FAR1: variants seen among roughly 807,000 people sequenced by gnomAD.
FAR1 encodes male sterility domain-containing protein 2.
Under a neutral mutation model 61.1 loss-of-function variants are expected in FAR1, and 22 were observed. That is an observed-to-expected ratio of 0.36 (90% CI 0.26 to 0.51). The LOEUF (loss-of-function observed/expected upper bound fraction) is 0.51, where lower values mean the gene tolerates loss of function less well. Ranked by LOEUF, FAR1 falls within the 20% of genes least tolerant of loss-of-function variation. The pLI, the probability that FAR1 is intolerant of heterozygous loss-of-function variation, is 0.95. For missense variants in FAR1, 359 were observed against 626.9 expected, an observed-to-expected ratio of 0.57 and a Z score of 4.56; for synonymous variants, 206 against 209.7, an observed-to-expected ratio of 0.98 and a Z score of 0.15.
intron 1 of FAR1, among the ~76,000 whole-genome samples, chr11:13,683,005 G>A (rs911074403): frequency 3.3e-5 from 5 of 152,034 alleles, no homozygotes; most frequent in Admixed American, 2.0e-4. Flanking sequence ...ATTATTTAAC[G>A]TAACTTTCTA....
At chr11:13,698,814 G>C (rs1390902735) in intron 2 of FAR1, among the ~76,000 whole-genome samples, 4 of 150,444 alleles carry the variant, frequency 2.7e-5, no homozygotes, top group Admixed American at 1.3e-4. Flanking sequence ...CTGGGCAACA[G>C]AGCAAGACTC....
At chr11:13,697,979 CTTA>C (rs1313397912) in intron 2 of FAR1, among the ~76,000 whole-genome samples, 1 of 151,988 alleles carries the variant, frequency 6.6e-6, no homozygotes, top group Non-Finnish European at 1.5e-5. Context: ...ATCTTGTGTC[CTTA>C]TTATTGCTGT....
Position 13,701,461 on chromosome 11 carries a change from G to T in FAR1, c.365+969G>T, listed in dbSNP as rs114017220. On this transcript the variant is annotated intron_variant, in intron 3 of 11. Coordinates refer to ENST00000354817, the MANE Select transcript of FAR1 (RefSeq NM_032228.6). ...TTAAAAGTTTAAAAAATTGAGTTCT[G>T]AGGCTGAGGTGGGAGGATCACTTGA... Among the ~76,000 whole-genome samples, 456 of 152,036 alleles carry T rather than the reference G, an allele frequency of 3.0e-3. 4 individuals carry two copies. The highest frequency in any genetic ancestry group is 9.6e-3 in the African/African-American group (400 of 41,498).
At chr11:13,703,905 A>C (rs193233496) in intron 3 of FAR1, among the ~76,000 whole-genome samples, 32 of 152,050 alleles carry the variant, frequency 2.1e-4, no homozygotes, top group Non-Finnish European at 3.1e-4. Flanking sequence ...TGAGCCGGGC[A>C]TGGTGGCACA....
In FAR1 at chr11:13,731,665, A is replaced by G. The variant is rs1344672229; in HGVS notation, c.*2891A>G. On this transcript the variant is annotated 3_prime_UTR_variant, in exon 12 of 12. Coordinates refer to ENST00000354817, the MANE Select transcript of FAR1 (RefSeq NM_032228.6). The stretch of plus-strand genomic sequence containing the variant: ...AGTTCCTTACACAGCATTTTAGGGA[A>G]AGAATACAGGCAGGATGACACTTTG... 2.6e-5 allele frequency: 4 copies of G among 152,154 alleles called. No individual in the cohort carries two copies. Among genetic ancestry groups the G allele is most frequent in the Non-Finnish European group, 5.9e-5 (4 of 68,024 alleles). 9.4% of individuals were successfully genotyped at this position (152,154 alleles called of 1,614,324 possible). A position where few individuals can be genotyped will look rare whatever the true frequency, so the allele number is the denominator to read the frequency against.
intron 5 of FAR1, 87 bp from the exon 6 acceptor site, chr11:13,711,677 A>G (rs1343647208): frequency 8.3e-6 from 8 of 964,980 alleles, no homozygotes; most frequent in Admixed American, 2.2e-5. Flanking sequence ...TACCAAGTAT[A>G]TATTTGGGGT....
At chr11:13,689,477 T>C (rs1848224382) in intron 1 of FAR1, among the ~76,000 whole-genome samples, 1 of 152,226 alleles carries the variant, frequency 6.6e-6, no homozygotes, top group Non-Finnish European at 1.5e-5. Context: ...TAGCGATCGT[T>C]CCTTCATTTT....
rs1848703501 is a variant in FAR1 at position 13,729,703 on chromosome 11, G to C, written c.*929G>C. The C allele has an allele frequency of 6.6e-6, 1 of 151,936 alleles. No individual in the cohort carries two copies. The highest frequency in any genetic ancestry group is 1.5e-5 in the Non-Finnish European group (1 of 67,876). The allele number at this position is 151,936 out of a possible 1,614,324, so 9.4% of individuals were successfully genotyped here. A position where few individuals can be genotyped will look rare whatever the true frequency, so the allele number is the denominator to read the frequency against. On this transcript the variant is annotated 3_prime_UTR_variant, in exon 12 of 12. Transcript: ENST00000354817. Reference sequence around the variant, plus strand: ...TATTCATAGGACTTTTAAAAGGCTTGTGCTATCTTTCCAGTGAAAACTGAA... The same window carrying C: ...TATTCATAGGACTTTTAAAAGGCTTCTGCTATCTTTCCAGTGAAAACTGAA...
intron 1 of FAR1, chr11:13,686,487 T>C (rs1848187003): frequency 1.3e-5 from 2 of 152,244 alleles, no homozygotes; most frequent in Admixed American, 1.3e-4. Flanking sequence ...AAAGGAATTC[T>C]CATTTCTCGG....
chr11:13,673,076 C>T (rs1282369016), intron 1 of FAR1, among the ~76,000 whole-genome samples: 1 of 152,178 alleles, frequency 6.6e-6, no homozygotes, highest in African/African-American at 2.4e-5. Flanking sequence ...TCAACTTAAA[C>T]ACTTATAAAT....
chr11:13,711,699 A>G (rs1230736620), intron 5 of FAR1, 65 bp from the exon 6 acceptor site: 13 of 1,247,206 alleles, frequency 1.0e-5, no homozygotes, highest in Non-Finnish European at 1.5e-5. Flanking sequence ...GTAGAGTTCA[A>G]ATAATAAATC....
intron 1 of FAR1, among the ~76,000 whole-genome samples, chr11:13,682,973 G>T (rs1016315657): frequency 6.6e-6 from 1 of 152,028 alleles, no homozygotes; most frequent in African/African-American, 2.4e-5. Context: ...TTAAAGACAT[G>T]CAATCTAATG....
chr11:13,686,546 T>A (rs1206437324), intron 1 of FAR1: 1 of 152,148 alleles, frequency 6.6e-6, no homozygotes, highest in African/African-American at 2.4e-5. Context: ...TTGTGCTTTT[T>A]AAAAAATGAC....
At chr11:13,705,982 TTCTA>T (rs1848427525) in intron 3 of FAR1, among the ~76,000 whole-genome samples, 1 of 152,228 alleles carries the variant, frequency 6.6e-6, no homozygotes, top group Non-Finnish European at 1.5e-5. Flanking sequence ...GTAGACTGGA[TTCTA>T]TCTATGACAT....
At chr11:13,670,582 G>A (rs918815514) in intron 1 of FAR1, among the ~76,000 whole-genome samples, 1 of 152,140 alleles carries the variant, frequency 6.6e-6, no homozygotes, top group Non-Finnish European at 1.5e-5. Context: ...GTTAGCTGCC[G>A]CGCCGGCCAA....
At position 13,721,830 on chromosome 11, in the gene FAR1, A is replaced by C. The variant is rs1490538824; in HGVS notation, c.1228A>C (p.Met410Leu). Residue 410 changes from methionine (M) to leucine (L), a missense_variant, in exon 10 of 12, where the codon ATG (methionine) becomes CTG (leucine). Physicochemically the swap from Met to Leu is conservative, Grantham distance 15 (BLOSUM62 2). This residue lies in a region of FAR1 where 344 missense variants were observed against 570.3 expected (regional missense o/e 0.60). Coordinates refer to ENST00000354817, the MANE Select transcript of FAR1 (RefSeq NM_032228.6). This position sits in a 1 kb window ranked among gnomAD's most constrained non-coding sequence, Gnocchi z 4.2. ...GAATACTGAGAATGTCAATATGTTA[A>C]TGAATCAACTAAACCCTGAAGATAA... ...VWNTENVNML[M>L]NQLNPEDKKT... 1 of 1,608,910 alleles carries C rather than the reference A, an allele frequency of 6.2e-7. No individual in the cohort carries two copies. Among genetic ancestry groups the C allele is most frequent in the Admixed American group, 1.7e-5 (1 of 59,194 alleles).
At chr11:13,711,841 A>G (rs990858025) in intron 6 of FAR1, 33 bp downstream of exon 6, 7 of 1,572,674 alleles carry the variant, frequency 4.5e-6, no homozygotes, top group African/African-American at 1.4e-5. Context: ...TTAATATTCT[A>G]TACATTTTTC....
rs149541122 is a variant in FAR1 at position 13,727,228 on chromosome 11, C to G, written c.1258-328C>G. 1.4e-3 allele frequency among the ~76,000 whole-genome samples: 219 copies of G among 152,040 alleles called. 1 individual carries two copies. The highest frequency in any genetic ancestry group is 5.1e-3 in the African/African-American group (211 of 41,518). ...ATAAAGTAGTGAGGAATACATAGAT[C>G]TATGTGGACAATATAATTTTGTCTT... On this transcript the variant is annotated intron_variant, in intron 10 of 11. Coordinates refer to ENST00000354817, the MANE Select transcript of FAR1 (RefSeq NM_032228.6).
At chr11:13,724,080 G>T (rs1255701222) in intron 10 of FAR1, among the ~76,000 whole-genome samples, 1 of 152,078 alleles carries the variant, frequency 6.6e-6, no homozygotes, top group African/African-American at 2.4e-5. Context: ...ATTCTTTGAG[G>T]ATTTCTGTGA....
Sources: gnomAD v4.1 joint callset for allele counts (sites outside exome capture counted in the v4.1 genomes callset) on GRCh38, gnomAD v4.1.1 for gene constraint, gnomAD v4.1.1 regional missense constraint, Gnocchi (gnomAD v3.1) non-coding constraint, MANE v1.5 for transcripts, NCBI Gene and HGNC (gene_info 2026-07-23, HGNC 2026-07-21) for gene names.